The following SS18 variants were observed in gnomAD, a reference collection of about 807,000 sequenced individuals.
SS18 encodes protein SSXT.
In SS18, 28 loss-of-function variants were observed where a neutral mutation model predicts 72.5. That is an observed-to-expected ratio of 0.39 (90% CI 0.29 to 0.53). SS18 has a LOEUF of 0.53. Ranked by LOEUF, SS18 falls within the 20% of genes least tolerant of loss-of-function variation. SS18 has a pLI of 0.76. For synonymous variants in SS18, 172 were observed against 164.2 expected (o/e 1.05, Z -0.37); for missense variants, 518 against 535.3 (o/e 0.97, Z 0.32).
intron 10 of SS18, among the ~76,000 whole-genome samples, chr18:26,031,062 G>A (rs981965379): frequency 6.6e-6 from 1 of 152,086 alleles, no homozygotes; most frequent in African/African-American, 2.4e-5. Flanking sequence ...GTTGAGTGAT[G>A]GAATACATGG....
At chr18:26,027,016 C>A (rs2053457209) in intron 10 of SS18, among the ~76,000 whole-genome samples, 1 of 152,072 alleles carries the variant, frequency 6.6e-6, no homozygotes, top group South Asian at 2.1e-4. Context: ...TGTCAGTTCT[C>A]CCCAAATTAA....
intron 3 of SS18, 130 bp from the exon 4 acceptor site, chr18:26,057,872 A>T (rs1420112039): frequency 1.2e-6 from 1 of 824,500 alleles, no homozygotes; most frequent in African/African-American, 1.7e-5. Context: ...AATTCTTCTA[A>T]TGCATTTTCA....
chr18:26,021,656 G>GA lies in SS18; in HGVS notation c.1231-3277dup, dbSNP rs141652544. ...TAAACTAAGATAAGGGTGTAGGTTA[G>GA]AAAGAAATGAATGGGTTCAAAAGCT... On this transcript the variant is annotated intron_variant, in intron 10 of 10. Coordinates refer to ENST00000415083, the MANE Select transcript of SS18 (RefSeq NM_001007559.3). 4.0e-3 allele frequency among the ~76,000 whole-genome samples: 603 copies of GA among 152,290 alleles called. 23 individuals carry two copies. In the East Asian group the frequency reaches 0.063, roughly 16 times the overall value.
chr18:26,088,584 A>G lies in SS18; in HGVS notation c.70-1007T>C, dbSNP rs147101606. On this transcript the variant is annotated intron_variant, in intron 1 of 10. Transcript: ENST00000415083. ...CCAAGCAATCTTGGCTTTGAGGGTTAAATAATTCATCTAAGTAAAGTGGAG... is the reference window on the plus strand; with the variant it reads ...CCAAGCAATCTTGGCTTTGAGGGTTGAATAATTCATCTAAGTAAAGTGGAG... 4.2e-4 allele frequency among the ~76,000 whole-genome samples: 64 copies of G among 152,364 alleles called. 2 individuals carry two copies. In the East Asian group the frequency reaches 0.011, roughly 27 times the overall value.
intron 5 of SS18, among the ~76,000 whole-genome samples, chr18:26,041,410 G>A (rs1228719825): frequency 1.3e-5 from 2 of 152,090 alleles, no homozygotes; most frequent in Non-Finnish European, 1.5e-5. Context: ...GGCGACAAGT[G>A]TGAAACTCTG....
chr18:26,052,647 T>C lies in SS18; in HGVS notation c.584A>G (p.Asn195Ser), dbSNP rs143433473. 4.4e-5 allele frequency: 71 copies of C among 1,614,112 alleles called. No homozygotes were observed. The African/African-American group carries it at 4.5e-4, about 10-fold the overall frequency. Residue 195 changes from asparagine to serine, a missense_variant, in exon 5 of 11, where the codon AAT becomes AGT. Physicochemically the swap from Asn to Ser is conservative, Grantham distance 46. Transcript: ENST00000415083. ...QPMGNYGPRP[N>S]MSMQPNQGPM... Reference sequence around the variant, plus strand: ...ACCTTGGTTTGGCTGCATACTCATATTTGGTCTGGGACCATAGTTTCCCAT... The same window carrying C: ...ACCTTGGTTTGGCTGCATACTCATACTTGGTCTGGGACCATAGTTTCCCAT...
At position 26,052,815 on chromosome 18, in the gene SS18, C is replaced by A; in HGVS notation, c.416G>T (p.Gly139Val). The stretch of plus-strand genomic sequence containing the variant: ...GTTTGTCATATTGAGTTGATTGGGT[C>A]CAGGTCCCTGCATAGGCATATGGTT... ...GPNHMPMQGP[G>V]PNQLNMTNSS... Residue 139 changes from glycine to valine, a missense_variant, in exon 5 of 11, where the codon GGA becomes GTA. Coordinates refer to ENST00000415083, the MANE Select transcript of SS18 (RefSeq NM_001007559.3). The A allele has an allele frequency of 6.2e-7, 1 of 1,614,116 alleles. No individual in the cohort carries two copies. Among genetic ancestry groups the A allele is most frequent in the Non-Finnish European group, 8.5e-7 (1 of 1,179,992 alleles).
intron 5 of SS18, among the ~76,000 whole-genome samples, chr18:26,047,027 G>A (rs940121373): frequency 6.6e-6 from 1 of 152,088 alleles, no homozygotes; most frequent in Admixed American, 6.5e-5. Flanking sequence ...CTTAACTGCA[G>A]TAACTGATAT....
intron 2 of SS18, chr18:26,078,978 G>C (rs1222580435): frequency 3.9e-5 from 6 of 152,218 alleles, no homozygotes; most frequent in African/African-American, 1.2e-4. Flanking sequence ...AATATGTTCT[G>C]CTAAAATTTA....
At chr18:26,090,774 C>CT, upstream of SS18, 1 of 600,930 alleles carries the variant, frequency 1.7e-6, no homozygotes, top group Admixed American at 3.0e-5. Flanking sequence ...TGGGGGACCC[C>CT]TAGCCCTGGC....
chr18:26,065,163 G>C (rs2054190485), intron 3 of SS18, among the ~76,000 whole-genome samples: 1 of 152,030 alleles, frequency 6.6e-6, no homozygotes, highest in South Asian at 2.1e-4. Flanking sequence ...CCCTGATGTT[G>C]ACCTCAAGAT....
chr18:26,056,840 T>G (rs1475649179), intron 4 of SS18, among the ~76,000 whole-genome samples: 1 of 152,214 alleles, frequency 6.6e-6, no homozygotes, highest in Non-Finnish European at 1.5e-5. Context: ...CATGGGTTGA[T>G]GCTACTGTTA....
chr18:26,044,531 C>T (rs1223692809), intron 5 of SS18, among the ~76,000 whole-genome samples: 6 of 151,612 alleles, frequency 4.0e-5, no homozygotes, highest in Non-Finnish European at 7.4e-5. Context: ...ATTATGTTGG[C>T]CAGGTTGGTC....
chr18:26,071,907 A>AT (rs1396796446), intron 3 of SS18, among the ~76,000 whole-genome samples: 2 of 152,172 alleles, frequency 1.3e-5, no homozygotes, highest in Non-Finnish European at 2.9e-5. Context: ...TACTGAAGGT[A>AT]TGTCTCACCA....
At chr18:26,048,628 T>C (rs1048692821) in intron 5 of SS18, among the ~76,000 whole-genome samples, 13 of 152,194 alleles carry the variant, frequency 8.5e-5, no homozygotes, top group African/African-American at 2.9e-4. Context: ...TTCATACTTA[T>C]ATAACGAATG....
At position 26,036,112 on chromosome 18, in the gene SS18, T is replaced by C. The variant is rs535051316; in HGVS notation, c.881-189A>G. ...TCATATTGAGATAACGTGCAAATTT[T>C]TTTAAAAGCAAAAAGCAGTAGTTTT... On this transcript the variant is annotated intron_variant, in intron 7 of 10. Coordinates refer to ENST00000415083, the MANE Select transcript of SS18 (RefSeq NM_001007559.3). 1.2e-4 allele frequency among the ~76,000 whole-genome samples: 19 copies of C among 152,344 alleles called. No homozygotes were observed. In the South Asian group the frequency reaches 3.5e-3, roughly 28 times the overall value.
intron 5 of SS18, among the ~76,000 whole-genome samples, chr18:26,047,596 C>T (rs2053849341): frequency 6.6e-6 from 1 of 152,138 alleles, no homozygotes; most frequent in East Asian, 1.9e-4. Flanking sequence ...AATCCCAGCA[C>T]TTTGGGAGGC....
chr18:26,025,862 G>GAA (rs774718028), intron 10 of SS18, among the ~76,000 whole-genome samples: 3 of 138,626 alleles, frequency 2.2e-5, no homozygotes, highest in African/African-American at 5.3e-5. Flanking sequence ...CATGTTACAA[G>GAA]AAAAAAAAAA....
intron 10 of SS18, among the ~76,000 whole-genome samples, chr18:26,025,687 A>G (rs113469557): frequency 1.3e-5 from 2 of 152,184 alleles, no homozygotes; most frequent in Non-Finnish European, 2.9e-5. Flanking sequence ...AATTAAATTT[A>G]TAATTTAAAA....
Sources: gnomAD v4.1 joint callset for allele counts (sites outside exome capture counted in the v4.1 genomes callset) on GRCh38, gnomAD v4.1.1 for gene constraint, MANE v1.5 for transcripts, NCBI Gene and HGNC (gene_info 2026-07-23, HGNC 2026-07-21) for gene names.